FEM1B: variants seen among roughly 807,000 people sequenced by gnomAD.
FEM1B encodes the protein fem-1 homolog B.
In FEM1B, 10 loss-of-function variants were observed where a neutral mutation model predicts 38.6. That is an observed-to-expected ratio of 0.26 (90% CI 0.16 to 0.44). The LOEUF is 0.44. Ranked by LOEUF, FEM1B falls within the 20% of genes least tolerant of loss-of-function variation. FEM1B has a pLI of 1.00. For missense variants in FEM1B, 471 were observed against 786.7 expected, an observed-to-expected ratio of 0.60 and a Z score of 4.80; for synonymous variants, 288 against 288.0, an observed-to-expected ratio of 1.00 and a Z score of 0.00.
rs1013156903 is a variant in FEM1B at position 68,294,507 on chromosome 15, A to G, written c.*3265A>G. ...TGAAAATTAAAATTTCAAGTGAGCA[A>G]CACCCTGTTAAGAGTTTTCACTATA... On this transcript the variant is annotated 3_prime_UTR_variant, in exon 2 of 2. Transcript: ENST00000306917. This position sits in a 1 kb window ranked among gnomAD's most constrained non-coding sequence, Gnocchi z 4.4. 2.6e-5 allele frequency: 4 copies of G among 152,282 alleles called. No homozygotes were observed. Among genetic ancestry groups the G allele is most frequent in the East Asian group, 3.9e-4 (2 of 5,188 alleles). The allele number at this position is 152,282 out of a possible 1,614,324, so 9.4% of individuals were successfully genotyped here.
In FEM1B at chr15:68,284,159, A is replaced by C. The variant is rs1342634716; in HGVS notation, c.249-5448A>C. ...CTTGGCCTCCCAAAGTGTTGGGATT[A>C]CAGACGTGAGCCACTGTGCCCAGCC... On this transcript the variant is annotated intron_variant, in intron 1 of 1. Coordinates refer to ENST00000306917, the MANE Select transcript of FEM1B (RefSeq NM_015322.5). The surrounding 1 kb of genome is among the most constrained non-coding windows in gnomAD (Gnocchi z 4.4). 6.6e-6 allele frequency among the ~76,000 whole-genome samples: 1 copy of C among 152,200 alleles called. No homozygotes were observed. The highest frequency in any genetic ancestry group is 2.4e-5 in the African/African-American group (1 of 41,448).
At chr15:68,283,381 A>G (rs925315321) in intron 1 of FEM1B, among the ~76,000 whole-genome samples, 1 of 151,892 alleles carries the variant, frequency 6.6e-6, no homozygotes, top group Non-Finnish European at 1.5e-5. Flanking sequence ...TTTAAAAACC[A>G]GGCCAGTTGC....
intron 1 of FEM1B, among the ~76,000 whole-genome samples, chr15:68,285,056 A>G (rs2140243615): frequency 1.3e-5 from 2 of 152,324 alleles, no homozygotes; most frequent in South Asian, 4.1e-4. Context: ...AAATGGACTA[A>G]TACAGCTTCT....
rs1341299437 is a variant in FEM1B at position 68,295,797 on chromosome 15, AAACT to A, written c.*4559_*4562del. 2.6e-5 allele frequency: 4 copies of A among 152,210 alleles called. No individual in the cohort carries two copies. Among genetic ancestry groups the A allele is most frequent in the African/African-American group, 9.6e-5 (4 of 41,452 alleles). 9.4% of individuals were successfully genotyped at this position (152,210 alleles called of 1,614,324 possible). A position where few individuals can be genotyped will look rare whatever the true frequency, so the allele number is the denominator to read the frequency against. ...CAGTCCTAATAACTCAGCTAATTTG[AAACT>A]AACAATCTTGCTGTGTAAAAGGAAA... On this transcript the variant is annotated 3_prime_UTR_variant, in exon 2 of 2. Transcript: ENST00000306917.
intron 1 of FEM1B, among the ~76,000 whole-genome samples, chr15:68,287,850 T>C (rs1424650393): frequency 6.6e-6 from 1 of 151,134 alleles, no homozygotes; most frequent in African/African-American, 2.4e-5. Flanking sequence ...TTTTTTTTTT[T>C]TTGAGATGAA....
Position 68,277,761 on chromosome 15 carries a change from G to C in FEM1B, c.-657G>C, listed in dbSNP as rs1892671158. The C allele has an allele frequency of 6.6e-6, 1 of 152,322 alleles. No homozygotes were observed. Among genetic ancestry groups the C allele is most frequent in the East Asian group, 1.9e-4 (1 of 5,176 alleles). 9.4% of individuals were successfully genotyped at this position (152,322 alleles called of 1,614,324 possible). On this transcript the variant is annotated 5_prime_UTR_variant, in exon 1 of 2. Coordinates refer to ENST00000306917, the MANE Select transcript of FEM1B (RefSeq NM_015322.5). ...GCTCCCGCCCTCTCCTCCCGGCCCT[G>C]TCTGCGAAAGCTCGTCTTCCTCCCC...
chr15:68,291,092 C>G lies in FEM1B; in HGVS notation c.1734C>G (p.Asp578Glu), dbSNP rs758563201. ...ATAAACAGAATAAGACTCCGCTAGA[C>G]AAAAGTACAACTGGGGTATCTGAAA... ...MTNKQNKTPLDKSTTGVSEIL... is the reference protein window; with the variant it reads ...MTNKQNKTPLEKSTTGVSEIL... Residue 578 changes from aspartate (D) to glutamate (E), a missense_variant, in exon 2 of 2, where the codon GAC becomes GAG. This residue lies in a region of FEM1B where 380 missense variants were observed against 599.6 expected (regional missense o/e 0.63). Transcript: ENST00000306917. The surrounding 1 kb of genome is among the most constrained non-coding windows in gnomAD (Gnocchi z 6.9). 6 of 1,614,076 alleles carry G rather than the reference C, an allele frequency of 3.7e-6. No homozygotes were observed. In the East Asian group the frequency reaches 6.7e-5, roughly 18 times the overall value.
chr15:68,295,597 A>AT lies in FEM1B; in HGVS notation c.*4356dup, dbSNP rs1892897911. On this transcript the variant is annotated 3_prime_UTR_variant, in exon 2 of 2. Transcript: ENST00000306917. ...GTATTCTAGTAATTCACTGTGATTT[A>AT]TAACAAACCGGTGATGTCATTCTAT... 6.6e-6 allele frequency: 1 copy of AT among 152,206 alleles called. No individual in the cohort carries two copies. Among genetic ancestry groups the AT allele is most frequent in the South Asian group, 2.1e-4 (1 of 4,830 alleles). 9.4% of individuals were successfully genotyped at this position (152,206 alleles called of 1,614,324 possible). A position where few individuals can be genotyped will look rare whatever the true frequency, so the allele number is the denominator to read the frequency against.
chr15:68,286,435 G>T (rs1290082209), intron 1 of FEM1B, among the ~76,000 whole-genome samples: 1 of 151,908 alleles, frequency 6.6e-6, no homozygotes, highest in Admixed American at 6.6e-5. Context: ...AGAGTGCAGT[G>T]GCCTGATCAT....
In FEM1B at chr15:68,294,413, ATTGT is replaced by A. The variant is rs1379914009; in HGVS notation, c.*3175_*3178del. ...ATTGTGAGAACTTAGGTATGATAAC[ATTGT>A]TTGAAGTAAAATATGATTTGGGGGC... On this transcript the variant is annotated 3_prime_UTR_variant, in exon 2 of 2. Coordinates refer to ENST00000306917, the MANE Select transcript of FEM1B (RefSeq NM_015322.5). This position sits in a 1 kb window ranked among gnomAD's most constrained non-coding sequence, Gnocchi z 4.4. The A allele has an allele frequency of 2.0e-5, 3 of 152,170 alleles. No homozygotes were observed. Among genetic ancestry groups the A allele is most frequent in the Non-Finnish European group, 4.4e-5 (3 of 68,020 alleles). 9.4% of individuals were successfully genotyped at this position (152,170 alleles called of 1,614,324 possible). A position where few individuals can be genotyped will look rare whatever the true frequency, so the allele number is the denominator to read the frequency against.
At position 68,281,640 on chromosome 15, in the gene FEM1B, C is replaced by T. The variant is rs1020726728; in HGVS notation, c.248+2975C>T. On this transcript the variant is annotated intron_variant, in intron 1 of 1. Coordinates refer to ENST00000306917, the MANE Select transcript of FEM1B (RefSeq NM_015322.5). The surrounding 1 kb of genome is among the most constrained non-coding windows in gnomAD (Gnocchi z 5.1). The stretch of plus-strand genomic sequence containing the variant: ...TCTTGTTCACTTTTTTTTTTTGAGA[C>T]GGAGTCTCGCTCTGTCGCCGGGGCT... Among the ~76,000 whole-genome samples the T allele has an allele frequency of 5.9e-5, 9 of 151,690 alleles. No homozygotes were observed. Among genetic ancestry groups the T allele is most frequent in the African/African-American group, 1.7e-4 (7 of 41,208 alleles).
In FEM1B at chr15:68,290,618, A is replaced by G. The variant is rs1595841819; in HGVS notation, c.1260A>G (p.Gln420=). Residue 420 remains glutamine, a synonymous_variant, in exon 2 of 2, where the codon CAA becomes CAG. Transcript: ENST00000306917. The surrounding 1 kb of genome is among the most constrained non-coding windows in gnomAD (Gnocchi z 9.7). Reference sequence around the variant, plus strand: ...GATGCAGTGTTTTGGAAATAGAACAAAGTATGAACAGAGTGAAAAATATTT... The same window carrying G: ...GATGCAGTGTTTTGGAAATAGAACAGAGTATGAACAGAGTGAAAAATATTT... ...VLRCSVLEIE[Q]SMNRVKNISD... 2.5e-6 allele frequency: 4 copies of G among 1,614,190 alleles called. No homozygotes were observed. The highest frequency in any genetic ancestry group is 2.2e-5 in the East Asian group (1 of 44,890).
In FEM1B at chr15:68,292,730, T is replaced by A. The variant is rs2140246971; in HGVS notation, c.*1488T>A. ...AAGGTTTCAATTAACATTTTATATA[T>A]GGATAATGCTTTGTAAAGTGTAAGA... On this transcript the variant is annotated 3_prime_UTR_variant, in exon 2 of 2. Transcript: ENST00000306917. The A allele has an allele frequency of 6.6e-6, 1 of 152,106 alleles. No individual in the cohort carries two copies. The allele number at this position is 152,106 out of a possible 1,614,324, so 9.4% of individuals were successfully genotyped here. A position where few individuals can be genotyped will look rare whatever the true frequency, so the allele number is the denominator to read the frequency against.
At position 68,289,127 on chromosome 15, in the gene FEM1B, GCTTT is replaced by G. The variant is rs1595841404; in HGVS notation, c.249-479_249-476del. 1.2e-5 allele frequency: 2 copies of G among 162,168 alleles called. No individual in the cohort carries two copies. Among genetic ancestry groups the G allele is most frequent in the African/African-American group, 4.8e-5 (2 of 41,498 alleles). 10.0% of individuals were successfully genotyped at this position (162,168 alleles called of 1,614,324 possible). A position where few individuals can be genotyped will look rare whatever the true frequency, so the allele number is the denominator to read the frequency against. ...CAATTAGCTTAGGGGAAACTTACCT[GCTTT>G]ATTTTTTTCTTCTTAAAGCAGTGTC... On this transcript the variant is annotated intron_variant, in intron 1 of 1. Coordinates refer to ENST00000306917, the MANE Select transcript of FEM1B (RefSeq NM_015322.5). The surrounding 1 kb of genome is among the most constrained non-coding windows in gnomAD (Gnocchi z 6.9).
chr15:68,279,287 A>G (rs1331260249), intron 1 of FEM1B, among the ~76,000 whole-genome samples: 1 of 152,188 alleles, frequency 6.6e-6, no homozygotes, highest in Non-Finnish European at 1.5e-5. Context: ...ATTGGACCTG[A>G]TGTGGGAGAT....
chr15:68,284,865 AG>A lies in FEM1B; in HGVS notation c.249-4737del, dbSNP rs1029817942. 3.3e-5 allele frequency among the ~76,000 whole-genome samples: 5 copies of A among 152,192 alleles called. No individual in the cohort carries two copies. Among genetic ancestry groups the A allele is most frequent in the African/African-American group, 1.2e-4 (5 of 41,440 alleles). On this transcript the variant is annotated intron_variant, in intron 1 of 1. Coordinates refer to ENST00000306917, the MANE Select transcript of FEM1B (RefSeq NM_015322.5). This position sits in a 1 kb window ranked among gnomAD's most constrained non-coding sequence, Gnocchi z 4.4. The stretch of plus-strand genomic sequence containing the variant: ...AGTGTCACGGGATCTGATGATTGTA[AG>A]GGGGAGATTCCCTGCACAAGCTCAC...
In FEM1B at chr15:68,278,830, A is replaced by G. The variant is rs1035002860; in HGVS notation, c.248+165A>G. ...AATGCCCACTTCATCTTCCAGGGCT[A>G]ATAATCCATCCCATGTTTTGCTGCC... On this transcript the variant is annotated intron_variant, in intron 1 of 1. Coordinates refer to ENST00000306917, the MANE Select transcript of FEM1B (RefSeq NM_015322.5). The surrounding 1 kb of genome is among the most constrained non-coding windows in gnomAD (Gnocchi z 5.7). 2.0e-5 allele frequency among the ~76,000 whole-genome samples: 3 copies of G among 152,028 alleles called. No homozygotes were observed.
chr15:68,290,723 CAA>C lies in FEM1B; in HGVS notation c.1368_1369del (p.Lys456AsnfsTer12). The C allele has an allele frequency of 1.2e-6, 2 of 1,614,038 alleles. No individual in the cohort carries two copies. Among genetic ancestry groups the C allele is most frequent in the Non-Finnish European group, 1.7e-6 (2 of 1,179,966 alleles). On this transcript the variant is annotated frameshift_variant, in exon 2 of 2. Transcript: ENST00000306917. LOFTEE classifies it high-confidence loss of function. This position sits in a 1 kb window ranked among gnomAD's most constrained non-coding sequence, Gnocchi z 9.7. ...TFLYLVCIST[K>X]TQCSEEDQCK... ...TTCTGTATTTAGTGTGCATCTCTAC[CAA>C]AACACAGTGCAGCGAAGAAGATCAG...
At position 68,293,170 on chromosome 15, in the gene FEM1B, C is replaced by T. The variant is rs1892865254; in HGVS notation, c.*1928C>T. ...GTGGCCTGAAAGAGAAAATGCACTT[C>T]TTCAAGGTGAGTGAATCATGCTTTT... On this transcript the variant is annotated 3_prime_UTR_variant, in exon 2 of 2. Coordinates refer to ENST00000306917, the MANE Select transcript of FEM1B (RefSeq NM_015322.5). This position sits in a 1 kb window ranked among gnomAD's most constrained non-coding sequence, Gnocchi z 5.8. 1 of 152,172 alleles carries T rather than the reference C, an allele frequency of 6.6e-6. No homozygotes were observed. The highest frequency in any genetic ancestry group is 2.4e-5 in the African/African-American group (1 of 41,450). The allele number at this position is 152,172 out of a possible 1,614,324, so 9.4% of individuals were successfully genotyped here. A position where few individuals can be genotyped will look rare whatever the true frequency, so the allele number is the denominator to read the frequency against.
Sources: allele counts gnomAD v4.1 joint callset (sites outside exome capture counted in the v4.1 genomes callset), GRCh38; gene constraint gnomAD v4.1.1; regional missense constraint gnomAD v4.1.1; non-coding constraint Gnocchi (gnomAD v3.1); transcripts MANE v1.5; gene names NCBI Gene and HGNC (gene_info 2026-07-23, HGNC 2026-07-21).